Variants in TMEM52B observed in about 807,000 individuals in gnomAD.
TMEM52B encodes the protein chromosome 12 open reading frame 59.
A neutral mutation model predicts 16.1 loss-of-function variants in TMEM52B; 11 were observed. The ratio of observed to expected loss-of-function variants is 0.68; its 90% CI spans 0.43 to 1.13. The LOEUF (loss-of-function observed/expected upper bound fraction) is 1.13, where lower values mean the gene tolerates loss of function less well. Among genes scored for constraint, TMEM52B ranks in the 50% most tolerant of loss-of-function variants. TMEM52B has a pLI of 0.00. For missense variants in TMEM52B, 243 were observed against 230.4 expected (o/e 1.05, Z -0.35); for synonymous variants, 101 against 93.8 (o/e 1.08, Z -0.45).
At chr12:10,178,142 G>A (rs1005948813), upstream of TMEM52B, among the ~76,000 whole-genome samples, 1 of 151,766 alleles carries the variant, frequency 6.6e-6, no homozygotes, top group African/African-American at 2.4e-5. Flanking sequence ...TTATCAGCCC[G>A]CCTTGGCCTC....
rs958627677 is a variant in TMEM52B at position 10,190,369 on chromosome 12, T to C, written c.*229T>C. 1.9e-6 allele frequency: 1 copy of C among 518,934 alleles called. No individual in the cohort carries two copies. Among genetic ancestry groups the C allele is most frequent in the African/African-American group, 1.9e-5 (1 of 52,044 alleles). The allele number at this position is 518,934 out of a possible 1,614,324, so 32.1% of individuals were successfully genotyped here. The stretch of plus-strand genomic sequence containing the variant: ...CAATGGCCAAAATCTGCAAGTAATC[T>C]CTAGCCACACTGATTACTACTAAAC... On this transcript the variant is annotated 3_prime_UTR_variant, in exon 5 of 5. Transcript: ENST00000543484.
At chr12:10,185,070 A>G (rs904093288) in intron 2 of TMEM52B, among the ~76,000 whole-genome samples, 2 of 152,202 alleles carry the variant, frequency 1.3e-5, no homozygotes, top group Non-Finnish European at 2.9e-5. Flanking sequence ...TTTTCTATGG[A>G]CACTTCTAAT....
chr12:10,172,356 G>C (rs192780902), intron 1 of TMEM52B: 38 of 308,500 alleles, frequency 1.2e-4, no homozygotes, highest in African/African-American at 8.0e-4. Context: ...TATTTTTCAT[G>C]AGCATCAGAG....
Position 10,186,440 on chromosome 12 carries a change from C to G in TMEM52B, c.158C>G (p.Ala53Gly). The G allele has an allele frequency of 6.2e-7, 1 of 1,609,988 alleles. No homozygotes were observed. Among genetic ancestry groups the G allele is most frequent in the South Asian group, 1.1e-5 (1 of 90,780 alleles). ...TGCAGGTTGCTAGTGGTAATTGGCG[C>G]GCTGCTTCTCCTGTGTGGCCTGACG... is the stretch of plus-strand genomic sequence containing the variant. The part of the protein sequence containing the change: ...WYIWLLVVIG[A>G]LLLLCGLTSL... Residue 53 changes from alanine to glycine, a missense_variant, in exon 4 of 5, where the codon GCG becomes GGG. Physicochemically the swap from Ala to Gly is moderately conservative, Grantham distance 60. Coordinates refer to ENST00000543484, the MANE Select transcript of TMEM52B (RefSeq NM_001384896.1).
At position 10,185,385 on chromosome 12, in the gene TMEM52B, A is replaced by G; in HGVS notation, c.137+17A>G. On this transcript the variant is annotated intron_variant, in intron 3 of 4. Coordinates refer to ENST00000543484, the MANE Select transcript of TMEM52B (RefSeq NM_001384896.1). ...GTATATATGGTAAGTTTCACTTATA[A>G]TACCCAGAAAGACACTGTATTCCTC... 6.3e-7 allele frequency: 1 copy of G among 1,591,280 alleles called. No homozygotes were observed. Among genetic ancestry groups the G allele is most frequent in the Middle Eastern group, 1.7e-4 (1 of 6,010 alleles).
Position 10,185,386 on chromosome 12 carries a change from T to C in TMEM52B, c.137+18T>C, listed in dbSNP as rs1453280023. On this transcript the variant is annotated intron_variant, in intron 3 of 4. Coordinates refer to ENST00000543484, the MANE Select transcript of TMEM52B (RefSeq NM_001384896.1). ...TATATATGGTAAGTTTCACTTATAA[T>C]ACCCAGAAAGACACTGTATTCCTCA... is the stretch of plus-strand genomic sequence containing the variant. 3 of 1,590,896 alleles carry C rather than the reference T, an allele frequency of 1.9e-6. No individual in the cohort carries two copies. The South Asian group carries it at 3.3e-5, about 18-fold the overall frequency.
upstream of TMEM52B, among the ~76,000 whole-genome samples, chr12:10,176,621 G>A (rs1304562290): frequency 6.6e-6 from 1 of 152,120 alleles, no homozygotes; most frequent in Non-Finnish European, 1.5e-5. Flanking sequence ...AAGCATAAAG[G>A]ACAGTAATTA....
At chr12:10,184,683 A>G (rs1254149313) in intron 2 of TMEM52B, among the ~76,000 whole-genome samples, 1 of 152,200 alleles carries the variant, frequency 6.6e-6, no homozygotes, top group Non-Finnish European at 1.5e-5. Context: ...CTTGCAAAAG[A>G]TAAATTACAA....
Position 10,185,325 on chromosome 12 carries a change from T to C in TMEM52B, c.99-5T>C. ...AATGTAGAAAACTTTATTCTTTCTT[T>C]ATAGTTGCCTGACCACAGACTGGGT... On this transcript the variant is annotated splice_polypyrimidine_tract_variant and splice_region_variant and intron_variant, in intron 2 of 4. Transcript: ENST00000543484. The C allele has an allele frequency of 6.2e-7, 1 of 1,600,760 alleles. No individual in the cohort carries two copies. The highest frequency in any genetic ancestry group is 8.6e-7 in the Non-Finnish European group (1 of 1,167,896).
intron 1 of TMEM52B, 140 bp downstream of exon 1, chr12:10,179,768 A>G: frequency 2.2e-6 from 2 of 926,514 alleles, no homozygotes; most frequent in South Asian, 1.4e-5. Context: ...AATAAACTAC[A>G]AAGTTTCCTT....
chr12:10,188,966 G>A (rs1482607058), intron 4 of TMEM52B, among the ~76,000 whole-genome samples: 2 of 139,560 alleles, frequency 1.4e-5, no homozygotes, highest in African/African-American at 2.7e-5. Flanking sequence ...GCAGTGAGCC[G>A]AGATCGCGCC....
At position 10,185,494 on chromosome 12, in the gene TMEM52B, A is replaced by C. The variant is rs1591991246; in HGVS notation, c.137+126A>C. 9 of 728,228 alleles carry C rather than the reference A, an allele frequency of 1.2e-5. No homozygotes were observed. In the East Asian group the frequency reaches 2.2e-4, roughly 18 times the overall value. The allele number at this position is 728,228 out of a possible 1,614,324, so 45.1% of individuals were successfully genotyped here. A position where few individuals can be genotyped will look rare whatever the true frequency, so the allele number is the denominator to read the frequency against. On this transcript the variant is annotated intron_variant, in intron 3 of 4. Coordinates refer to ENST00000543484, the MANE Select transcript of TMEM52B (RefSeq NM_001384896.1). ...ATTACTTCATCACTACCTATGTGAC[A>C]ATATGTCAGGATTTCCTTTTTCAAT...
intron 2 of TMEM52B, among the ~76,000 whole-genome samples, 187 bp from the exon 3 acceptor site, chr12:10,185,143 A>G (rs1948866229): frequency 2.0e-5 from 3 of 152,252 alleles, no homozygotes; most frequent in South Asian, 4.1e-4. Context: ...TATAGTATAA[A>G]GTACTATTTA....
intron 4 of TMEM52B, among the ~76,000 whole-genome samples, chr12:10,187,099 G>GTT (rs71049057): frequency 0.27 from 22,102 of 82,132 alleles, 4,782 homozygotes; most frequent in East Asian, 0.68. Flanking sequence ...TTCCATGACG[G>GTT]TTTTTTTTTT....
At chr12:10,176,250 C>T (rs17740817), upstream of TMEM52B, among the ~76,000 whole-genome samples, 6,112 of 151,858 alleles carry the variant, frequency 0.04, 147 homozygotes, top group African/African-American at 0.054. Flanking sequence ...TGCCCCAAGG[C>T]ATAATCTCAT....
rs968516434 is a variant in TMEM52B, at chr12:10,190,322, T to C, written c.*182T>C. On this transcript the variant is annotated 3_prime_UTR_variant, in exon 5 of 5. Coordinates refer to ENST00000543484, the MANE Select transcript of TMEM52B (RefSeq NM_001384896.1). Reference sequence around the variant, plus strand: ...TATCTTCCGATACAGAATGCTCTAATTGGGAACTCTAATTTTGTATCCAAT... The same window carrying C: ...TATCTTCCGATACAGAATGCTCTAACTGGGAACTCTAATTTTGTATCCAAT... The C allele has an allele frequency of 2.5e-6, 2 of 804,700 alleles. No individual in the cohort carries two copies. Among genetic ancestry groups the C allele is most frequent in the African/African-American group, 1.7e-5 (1 of 57,788 alleles). The allele number at this position is 804,700 out of a possible 1,614,324, so 49.8% of individuals were successfully genotyped here. A position where few individuals can be genotyped will look rare whatever the true frequency, so the allele number is the denominator to read the frequency against.
At chr12:10,181,399 G>C (rs376425626) in intron 1 of TMEM52B, among the ~76,000 whole-genome samples, 1 of 151,634 alleles carries the variant, frequency 6.6e-6, no homozygotes, top group South Asian at 2.1e-4. Flanking sequence ...GCATGATCTC[G>C]GCTCACTGCA....
intron 2 of TMEM52B, among the ~76,000 whole-genome samples, chr12:10,184,074 A>G (rs1353879117): frequency 2.0e-5 from 3 of 152,188 alleles, no homozygotes; most frequent in Non-Finnish European, 4.4e-5. Context: ...TTGATCATCA[A>G]TGGCCAATGA....
chr12:10,177,422 T>A (rs1948774071), upstream of TMEM52B, among the ~76,000 whole-genome samples: 1 of 152,110 alleles, frequency 6.6e-6, no homozygotes, highest in Admixed American at 6.6e-5. Context: ...GTGAGGACCC[T>A]TAGAGTATGA....
Sources: allele counts gnomAD v4.1 joint callset (sites outside exome capture counted in the v4.1 genomes callset), GRCh38; gene constraint gnomAD v4.1.1; transcripts MANE v1.5; gene names NCBI Gene and HGNC (gene_info 2026-07-23, HGNC 2026-07-21).